IRAG1: variants seen among roughly 807,000 people sequenced by gnomAD.
IRAG1 encodes the protein IP3R-associated cGMP kinase substrate.
In IRAG1, 62 loss-of-function variants were observed where a neutral mutation model predicts 106.2. The ratio of observed to expected loss-of-function variants is 0.58; its 90% confidence interval spans 0.48 to 0.72. The LOEUF (loss-of-function observed/expected upper bound fraction) is 0.72. Ranked by LOEUF, IRAG1 falls within the 30% of genes least tolerant of loss-of-function variation. IRAG1 has a pLI of 0.00. For synonymous variants in IRAG1, 462 were observed against 443.9 expected, an observed-to-expected ratio of 1.04 and a Z score of -0.51; for missense variants, 1,064 against 1,140.7, an observed-to-expected ratio of 0.93 and a Z score of 0.97.
In IRAG1 at chr11:10,595,210, C is replaced by T. The variant is rs554487429; in HGVS notation, c.2018-1015G>A. Among the ~76,000 whole-genome samples, 16 of 117,134 alleles carry T rather than the reference C, an allele frequency of 1.4e-4. No individual in the cohort carries two copies. The East Asian group carries it at 2.0e-3, about 14-fold the overall frequency. The allele number at this position is 117,134 out of a possible 152,430, so 76.8% of individuals were successfully genotyped here. A position where few individuals can be genotyped will look rare whatever the true frequency, so the allele number is the denominator to read the frequency against. On this transcript the variant is annotated intron_variant, in intron 15 of 20. Coordinates refer to ENST00000423302, the MANE Select transcript of IRAG1 (RefSeq NM_130385.4). ...AAGGTGCTAGAATTACAGGCATGAACCACCACACCTGGCCTGTTTTTTTCA... is the reference window on the plus strand; with the variant it reads ...AAGGTGCTAGAATTACAGGCATGAATCACCACACCTGGCCTGTTTTTTTCA...
chr11:10,581,228 C>T (rs920077566), intron 19 of IRAG1, among the ~76,000 whole-genome samples: 2 of 152,118 alleles, frequency 1.3e-5, no homozygotes, highest in East Asian at 3.9e-4. Context: ...TGGGCAAACC[C>T]ACCACTGAAG....
At chr11:10,693,119 G>A (rs1432473386) in intron 1 of IRAG1, among the ~76,000 whole-genome samples, 7 of 152,188 alleles carry the variant, frequency 4.6e-5, no homozygotes, top group Non-Finnish European at 7.3e-5. Flanking sequence ...CAAGGCAGAG[G>A]GGCGTAGGGG....
chr11:10,637,020 A>G (rs1391102794), intron 2 of IRAG1, among the ~76,000 whole-genome samples: 3 of 152,204 alleles, frequency 2.0e-5, no homozygotes, highest in East Asian at 1.9e-4. Flanking sequence ...AAGCTACTCT[A>G]ATGAGTTTGG....
rs765399556 is a variant in IRAG1, at chr11:10,626,511, G to A, written c.823C>T (p.Arg275Cys). 9.9e-6 allele frequency: 16 copies of A among 1,613,306 alleles called. No individual in the cohort carries two copies. Among genetic ancestry groups the A allele is most frequent in the East Asian group, 2.2e-5 (1 of 44,886 alleles). Residue 275 changes from arginine (R) to cysteine (C), a missense_variant, in exon 9 of 21, where the codon CGT becomes TGT. Transcript: ENST00000423302. ...TTGGACTTCTCAACTGGAGGAGGAC[G>A]AGGAGCCAGCCTGCCCTGAGACACT... ...RKVSQGRLAPRPPPVEKSKEI... is the reference protein window; with the variant it reads ...RKVSQGRLAPCPPPVEKSKEI...
chr11:10,680,397 G>GAAAGA lies in IRAG1; in HGVS notation c.67+13138_67+13139insTCTTT, dbSNP rs1365509814. 9.6e-3 allele frequency among the ~76,000 whole-genome samples: 493 copies of GAAAGA among 51,164 alleles called. 13 individuals carry two copies. Among genetic ancestry groups the GAAAGA allele is most frequent in the African/African-American group, 0.046 (343 of 7,444 alleles). 33.6% of individuals were successfully genotyped at this position (51,164 alleles called of 152,430 possible). A position where few individuals can be genotyped will look rare whatever the true frequency, so the allele number is the denominator to read the frequency against. The stretch of plus-strand genomic sequence containing the variant: ...GGAAGGAAGGAAGGAAGGAAGGAAG[G>GAAAGA]AAGGAAGGAAAGAAAGGGAAAGAAA... On this transcript the variant is annotated intron_variant, in intron 1 of 20. Coordinates refer to ENST00000423302, the MANE Select transcript of IRAG1 (RefSeq NM_130385.4).
intron 10 of IRAG1, among the ~76,000 whole-genome samples, chr11:10,620,081 A>G (rs1358274910): frequency 6.6e-6 from 1 of 152,192 alleles, no homozygotes; most frequent in Non-Finnish European, 1.5e-5. Context: ...AATACTTTTA[A>G]CCAATCAATT....
intron 10 of IRAG1, among the ~76,000 whole-genome samples, chr11:10,620,737 T>C (rs1373355773): frequency 1.3e-5 from 2 of 152,238 alleles, no homozygotes; most frequent in African/African-American, 4.8e-5. Flanking sequence ...AGTAGCGTTA[T>C]TCATTGTAAG....
intron 1 of IRAG1, among the ~76,000 whole-genome samples, chr11:10,673,215 G>A (rs1427927404): frequency 6.6e-6 from 1 of 152,116 alleles, no homozygotes; most frequent in Non-Finnish European, 1.5e-5. Context: ...CCCAGGAGGC[G>A]AAGGTTGCAG....
In IRAG1 at chr11:10,579,652, C is replaced by T. The variant is rs941220840; in HGVS notation, c.2495+803G>A. Among the ~76,000 whole-genome samples, 4 of 152,198 alleles carry T rather than the reference C, an allele frequency of 2.6e-5. No homozygotes were observed. In the East Asian group the frequency reaches 7.7e-4, roughly 29 times the overall value. On this transcript the variant is annotated intron_variant, in intron 20 of 20. Transcript: ENST00000423302. ...ATCTATGGGTGCTAGTTTATCCTAT[C>T]CCTAAGCGTGAACTTCTAGGGGATA... is the stretch of plus-strand genomic sequence containing the variant.
chr11:10,674,533 G>A (rs1407792440), intron 1 of IRAG1, among the ~76,000 whole-genome samples: 2 of 152,126 alleles, frequency 1.3e-5, no homozygotes, highest in African/African-American at 4.8e-5. Context: ...AAACAGAGAG[G>A]AATGTGACCT....
rs1850797215 is a variant in IRAG1, at chr11:10,576,063, G to C, written c.*269C>G. On this transcript the variant is annotated 3_prime_UTR_variant, in exon 21 of 21. Transcript: ENST00000423302. ...CCCCAGCCACCTGAGCTAGGGGCAG[G>C]AGACCTTCCCTTCCAATAGAGTTCC... The C allele has an allele frequency of 2.2e-6, 1 of 463,590 alleles. No individual in the cohort carries two copies. The highest frequency in any genetic ancestry group is 4.0e-6 in the Non-Finnish European group (1 of 253,126). The allele number at this position is 463,590 out of a possible 1,614,324, so 28.7% of individuals were successfully genotyped here.
At chr11:10,651,773 T>A (rs1391373497) in intron 2 of IRAG1, among the ~76,000 whole-genome samples, 1 of 152,220 alleles carries the variant, frequency 6.6e-6, no homozygotes, top group Non-Finnish European at 1.5e-5. Context: ...TGGTTTGACT[T>A]CTGAGGCCTC....
intron 1 of IRAG1, among the ~76,000 whole-genome samples, chr11:10,680,365 GAAA>G (rs1861087341): frequency 1.2e-4 from 11 of 91,032 alleles, no homozygotes; most frequent in African/African-American, 4.1e-4. Context: ...AAGAAAGAAA[GAAA>G]GAAGGAAGGA....
rs1591521599 is a variant in IRAG1, at chr11:10,574,019, C to T, written c.*2313G>A. 6.6e-6 allele frequency: 1 copy of T among 152,304 alleles called. No homozygotes were observed. Among genetic ancestry groups the T allele is most frequent in the South Asian group, 2.1e-4 (1 of 4,830 alleles). 9.4% of individuals were successfully genotyped at this position (152,304 alleles called of 1,614,324 possible). On this transcript the variant is annotated 3_prime_UTR_variant, in exon 21 of 21. Coordinates refer to ENST00000423302, the MANE Select transcript of IRAG1 (RefSeq NM_130385.4). ...ACCTTAATGGCACATCCTTGATCAA[C>T]CCTGGCTTGGGCCTCAGTCATTTTC...
At chr11:10,653,446 G>C (rs1858684945) in intron 1 of IRAG1, among the ~76,000 whole-genome samples, 1 of 152,208 alleles carries the variant, frequency 6.6e-6, no homozygotes, top group East Asian at 1.9e-4. Context: ...AAGATGCCTA[G>C]GAGTATGATC....
At chr11:10,602,304 C>T (rs911098774) in intron 14 of IRAG1, among the ~76,000 whole-genome samples, 2 of 152,260 alleles carry the variant, frequency 1.3e-5, no homozygotes, top group East Asian at 3.8e-4. Flanking sequence ...AGATTCATGT[C>T]ATAGCAACAT....
rs1227487263 is a variant in IRAG1, at chr11:10,660,347, G to T, written c.68-8165C>A. On this transcript the variant is annotated intron_variant, in intron 1 of 20. Transcript: ENST00000423302. ...TTACTATTATCTATGCTCTTCTGAA[G>T]ATTTATTTCTATTGTCTCTGCATAG... Among the ~76,000 whole-genome samples the T allele has an allele frequency of 4.6e-5, 7 of 152,162 alleles. No individual in the cohort carries two copies. In the East Asian group the frequency reaches 7.7e-4, roughly 17 times the overall value.
At position 10,609,661 on chromosome 11, in the gene IRAG1, C is replaced by G. The variant is rs1280796165; in HGVS notation, c.1571+67G>C. The G allele has an allele frequency of 1.9e-6, 3 of 1,551,166 alleles. No homozygotes were observed. The African/African-American group carries it at 4.3e-5, about 22-fold the overall frequency. ...AATTAAGACTGGTGTTCCTCTGTGT[C>G]CCACCTAGAATCCAACACAGGGGCC... On this transcript the variant is annotated intron_variant, in intron 11 of 20. Coordinates refer to ENST00000423302, the MANE Select transcript of IRAG1 (RefSeq NM_130385.4).
chr11:10,588,464 C>T (rs576580612), intron 18 of IRAG1, among the ~76,000 whole-genome samples: 1 of 152,310 alleles, frequency 6.6e-6, no homozygotes, highest in East Asian at 1.9e-4. Flanking sequence ...ATCCTCCCAC[C>T]TCAGCCTCCT....
Sources: allele counts gnomAD v4.1 joint callset (sites outside exome capture counted in the v4.1 genomes callset), GRCh38; gene constraint gnomAD v4.1.1; transcripts MANE v1.5; gene names NCBI Gene and HGNC (gene_info 2026-07-23, HGNC 2026-07-21).